MCC: variants seen among roughly 807,000 people sequenced by gnomAD.
MCC encodes the protein colorectal mutant cancer protein.
Under a neutral mutation model 116.2 loss-of-function variants are expected in MCC, and 90 were observed. That is an observed-to-expected ratio of 0.77 (90% CI 0.65 to 0.92). The LOEUF is 0.92. MCC is among the 40% of genes least tolerant of loss of function. The probability of loss-of-function intolerance (pLI) is 0.00; values close to 1 mark genes in which losing one functional copy is unlikely to be tolerated. For missense variants in MCC, 1,516 were observed against 1,312.2 expected, an observed-to-expected ratio of 1.16 and a Z score of -2.40; for synonymous variants, 578 against 510.5, an observed-to-expected ratio of 1.13 and a Z score of -1.78.
chr5:113,439,110 G>A (rs916613981), intron 1 of MCC, among the ~76,000 whole-genome samples: 1 of 152,174 alleles, frequency 6.6e-6, no homozygotes, highest in African/African-American at 2.4e-5. Context: ...TTGAAAACCA[G>A]GTTGAAAATT....
chr5:113,349,781 A>G (rs1306851977), intron 2 of MCC, among the ~76,000 whole-genome samples: 2 of 152,064 alleles, frequency 1.3e-5, no homozygotes, highest in Non-Finnish European at 2.9e-5. Context: ...ATTATCTTAT[A>G]TTTGGAAAAA....
chr5:113,047,856 G>C (rs1366285737), intron 16 of MCC, among the ~76,000 whole-genome samples: 1 of 151,844 alleles, frequency 6.6e-6, no homozygotes, highest in Non-Finnish European at 1.5e-5. Context: ...AAACACCTGG[G>C]GGCTGATAAA....
intron 3 of MCC, among the ~76,000 whole-genome samples, chr5:113,256,096 C>T (rs116653607): frequency 1.6e-3 from 239 of 152,194 alleles, no homozygotes; most frequent in African/African-American, 5.7e-3. Flanking sequence ...GAGAATTCAC[C>T]ACACCCCAAA....
chr5:113,081,424 A>G (rs778417359), intron 11 of MCC, among the ~76,000 whole-genome samples: 1 of 152,186 alleles, frequency 6.6e-6, no homozygotes, highest in African/African-American at 2.4e-5. Flanking sequence ...GCTGTTAAAC[A>G]CCATAATAAC....
chr5:113,349,900 G>A (rs911481071), intron 2 of MCC, among the ~76,000 whole-genome samples: 1 of 151,872 alleles, frequency 6.6e-6, no homozygotes, highest in Non-Finnish European at 1.5e-5. Context: ...TGCCAATAGT[G>A]AACAATCTGA....
In MCC at chr5:113,479,650, T is replaced by A. The variant is rs1255065001; in HGVS notation, c.170+8595A>T. Among the ~76,000 whole-genome samples, 7 of 152,336 alleles carry A rather than the reference T, an allele frequency of 4.6e-5. No individual in the cohort carries two copies. In the East Asian group the frequency reaches 5.8e-4, roughly 13 times the overall value. ...AGGGGAGTTCTGTAGGGTGTTTTTT[T>A]AATCTAATTAAAATATGAAATAGGA... On this transcript the variant is annotated intron_variant, in intron 1 of 18. Coordinates refer to ENST00000408903, the MANE Select transcript of MCC (RefSeq NM_001085377.2).
chr5:113,440,687 A>G lies in MCC; in HGVS notation c.170+47558T>C, dbSNP rs1771011120. 2.0e-5 allele frequency among the ~76,000 whole-genome samples: 3 copies of G among 152,308 alleles called. No individual in the cohort carries two copies. The South Asian group carries it at 6.2e-4, about 32-fold the overall frequency. Reference sequence around the variant, plus strand: ...GTGAGAAAGAAAAACAAAGCTAGAAAGAGTGATGTCTATATCCTTTAAGGG... The same window carrying G: ...GTGAGAAAGAAAAACAAAGCTAGAAGGAGTGATGTCTATATCCTTTAAGGG... On this transcript the variant is annotated intron_variant, in intron 1 of 18. Coordinates refer to ENST00000408903, the MANE Select transcript of MCC (RefSeq NM_001085377.2).
intron 3 of MCC, among the ~76,000 whole-genome samples, chr5:113,254,240 C>T (rs778911910): frequency 1.7e-4 from 26 of 152,046 alleles, no homozygotes; most frequent in Non-Finnish European, 7.4e-5. Context: ...AGCATGAGGA[C>T]GGATAAGCAG....
intron 1 of MCC, among the ~76,000 whole-genome samples, chr5:113,450,690 A>G (rs937286343): frequency 6.6e-6 from 1 of 152,188 alleles, no homozygotes; most frequent in African/African-American, 2.4e-5. Flanking sequence ...TAAGCATTTT[A>G]AAACATGTTC....
At chr5:113,046,878 T>G (rs1369036883) in intron 16 of MCC, among the ~76,000 whole-genome samples, 2 of 151,942 alleles carry the variant, frequency 1.3e-5, no homozygotes, top group African/African-American at 4.8e-5. Flanking sequence ...CATAGTGACT[T>G]CTCTAAAGCC....
intron 3 of MCC, among the ~76,000 whole-genome samples, chr5:113,302,500 T>C (rs1034252516): frequency 2.0e-5 from 3 of 152,232 alleles, no homozygotes; most frequent in African/African-American, 7.2e-5. Flanking sequence ...TATTCAGAAA[T>C]ATACTTTTTG....
At chr5:113,367,982 T>C (rs1403234441) in intron 2 of MCC, among the ~76,000 whole-genome samples, 2 of 152,184 alleles carry the variant, frequency 1.3e-5, no homozygotes, top group African/African-American at 2.4e-5. Context: ...GTGTGGGTTT[T>C]ATGATCAGTG....
At chr5:113,440,924 T>C (rs894995975) in intron 1 of MCC, among the ~76,000 whole-genome samples, 3 of 152,246 alleles carry the variant, frequency 2.0e-5, no homozygotes, top group Non-Finnish European at 2.9e-5. Context: ...CAACCATTAA[T>C]GTGTATGTGT....
chr5:113,189,904 G>A (rs1342621867), intron 3 of MCC, among the ~76,000 whole-genome samples: 1 of 152,150 alleles, frequency 6.6e-6, no homozygotes, highest in East Asian at 1.9e-4. Context: ...ATTCCTGCAG[G>A]AGAAGATCCA....
intron 11 of MCC, among the ~76,000 whole-genome samples, chr5:113,075,713 C>G (rs1474900830): frequency 1.3e-5 from 2 of 152,062 alleles, no homozygotes; most frequent in Non-Finnish European, 2.9e-5. Context: ...GGAATAAAAG[C>G]AGGCTGCCCG....
At chr5:113,406,478 A>G (rs1434136159) in intron 1 of MCC, among the ~76,000 whole-genome samples, 1 of 152,200 alleles carries the variant, frequency 6.6e-6, no homozygotes, top group East Asian at 1.9e-4. Context: ...GTATAAACGT[A>G]ACGCAGATTC....
intron 1 of MCC, among the ~76,000 whole-genome samples, chr5:113,484,007 C>A (rs1772448543): frequency 6.6e-6 from 1 of 152,088 alleles, no homozygotes; most frequent in South Asian, 2.1e-4. Context: ...AACACATGGA[C>A]ACATAGAGGG....
intron 3 of MCC, among the ~76,000 whole-genome samples, chr5:113,237,919 T>C (rs992053191): frequency 2.0e-5 from 3 of 152,084 alleles, no homozygotes; most frequent in African/African-American, 7.2e-5. Flanking sequence ...AGCAGAAAAA[T>C]AATTTCCATG....
chr5:113,434,515 G>T lies in MCC; in HGVS notation c.171-49303C>A. On this transcript the variant is annotated intron_variant, in intron 1 of 18. Transcript: ENST00000408903. The surrounding 1 kb of genome is among the most constrained non-coding windows in gnomAD (Gnocchi z 4.2). Reference sequence around the variant, plus strand: ...AACTTCTTGCGAGCTTCGTCCTCATGCAGGGCTCCCCGGGTTTTGATTAAC... The same window carrying T: ...AACTTCTTGCGAGCTTCGTCCTCATTCAGGGCTCCCCGGGTTTTGATTAAC... 1.2e-6 allele frequency: 2 copies of T among 1,612,896 alleles called. No homozygotes were observed. The highest frequency in any genetic ancestry group is 1.7e-6 in the Non-Finnish European group (2 of 1,179,012).
Sources: allele counts gnomAD v4.1 joint callset (sites outside exome capture counted in the v4.1 genomes callset), GRCh38; gene constraint gnomAD v4.1.1; non-coding constraint Gnocchi (gnomAD v3.1); transcripts MANE v1.5; gene names NCBI Gene and HGNC (gene_info 2026-07-23, HGNC 2026-07-21).